The following ATP8B4 variants were observed in gnomAD, a reference collection of about 807,000 sequenced individuals.
ATP8B4 encodes the protein ATPase phospholipid transporting 8B4 (putative).
Under a neutral mutation model 145.6 loss-of-function variants are expected in ATP8B4, and 133 were observed. The observed-to-expected ratio is 0.91, with a 90% CI of 0.79 to 1.05. The LOEUF is 1.05. Among genes scored for constraint, ATP8B4 ranks in the 50% least tolerant of loss-of-function variants. The pLI, the probability that ATP8B4 is intolerant of heterozygous loss-of-function variation, is 0.00. For synonymous variants in ATP8B4, 507 were observed against 492.9 expected, an observed-to-expected ratio of 1.03 and a Z score of -0.38; for missense variants, 1,458 against 1,425.2, an observed-to-expected ratio of 1.02 and a Z score of -0.37.
chr15:49,883,301 C>T (rs1232075704), intron 23 of ATP8B4: 1 of 152,136 alleles, frequency 6.6e-6, no homozygotes, highest in African/African-American at 2.4e-5. Flanking sequence ...GTGCCCTCAT[C>T]ATCACAAATG....
chr15:50,135,204 TC>T (rs2044105086), intron 1 of ATP8B4, among the ~76,000 whole-genome samples: 1 of 152,230 alleles, frequency 6.6e-6, no homozygotes, highest in African/African-American at 2.4e-5. Context: ...GTGTGACACA[TC>T]ATTCATCTCT....
intron 6 of ATP8B4, among the ~76,000 whole-genome samples, chr15:50,033,292 C>A (rs1010184913): frequency 2.6e-5 from 4 of 152,154 alleles, no homozygotes; most frequent in South Asian, 4.1e-4. Context: ...CAGTCAAGTA[C>A]AATTTAAAAT....
intron 14 of ATP8B4, among the ~76,000 whole-genome samples, chr15:49,947,551 T>C (rs1437235832): frequency 6.6e-6 from 1 of 151,970 alleles, no homozygotes; most frequent in Non-Finnish European, 1.5e-5. Flanking sequence ...ATCTCCATAT[T>C]GCCCAAAGTG....
intron 20 of ATP8B4, chr15:49,901,740 A>T (rs967622520): frequency 1.5e-5 from 6 of 398,240 alleles, no homozygotes; most frequent in Non-Finnish European, 2.9e-5. Context: ...TCTGAGAAAC[A>T]TATTTTTTAA....
chr15:49,976,017 G>A (rs1361201647), intron 12 of ATP8B4, among the ~76,000 whole-genome samples: 1 of 151,994 alleles, frequency 6.6e-6, no homozygotes, highest in Non-Finnish European at 1.5e-5. Flanking sequence ...AATCCTTTCT[G>A]GTTATAAATT....
rs9672356 is a variant in ATP8B4 at position 49,875,507 on chromosome 15, T to C, written c.3027+771A>G. 5.0e-3 allele frequency among the ~76,000 whole-genome samples: 769 copies of C among 152,336 alleles called. 7 individuals are homozygous for C. The highest frequency in any genetic ancestry group is 0.018 in the African/African-American group (736 of 41,576). ...ATAAAACAGAGGTCACATAGCTTGC[T>C]GTACCTACTCGGAGCTACAGATAGT... On this transcript the variant is annotated intron_variant, in intron 25 of 27. Transcript: ENST00000284509.
intron 6 of ATP8B4, among the ~76,000 whole-genome samples, chr15:50,027,860 G>A (rs1429350864): frequency 6.6e-6 from 1 of 152,146 alleles, no homozygotes; most frequent in Non-Finnish European, 1.5e-5. Flanking sequence ...ATGCTATAAT[G>A]AAATGACTTT....
chr15:50,121,348 G>T (rs1222812951), upstream of ATP8B4, among the ~76,000 whole-genome samples: 3 of 152,144 alleles, frequency 2.0e-5, no homozygotes, highest in African/African-American at 7.2e-5. Flanking sequence ...GAGAGTATGG[G>T]AAGGTATTGT....
At chr15:50,114,994 C>G (rs1336705553) in intron 1 of ATP8B4, among the ~76,000 whole-genome samples, 1 of 152,148 alleles carries the variant, frequency 6.6e-6, no homozygotes, top group Non-Finnish European at 1.5e-5. Flanking sequence ...AGCCCACAGT[C>G]TGGGGAAGAT....
chr15:49,901,891 T>C (rs767610594), intron 20 of ATP8B4: 53 of 383,712 alleles, frequency 1.4e-4, no homozygotes, highest in Non-Finnish European at 2.5e-4. Context: ...GACACCAAAA[T>C]ATAGAGGGTT....
At chr15:50,096,616 T>G (rs533846124) in intron 2 of ATP8B4, among the ~76,000 whole-genome samples, 1 of 152,288 alleles carries the variant, frequency 6.6e-6, no homozygotes, top group African/African-American at 2.4e-5. Context: ...GACTAAGGAC[T>G]GCAATGCTGC....
chr15:49,995,227 C>A (rs1202436811), intron 9 of ATP8B4, among the ~76,000 whole-genome samples: 1 of 152,022 alleles, frequency 6.6e-6, no homozygotes, highest in Non-Finnish European at 1.5e-5. Flanking sequence ...CCTCGTAGAT[C>A]AATAGAGGTA....
At chr15:50,140,328 G>A (rs2044189739) in intron 1 of ATP8B4, among the ~76,000 whole-genome samples, 1 of 152,082 alleles carries the variant, frequency 6.6e-6, no homozygotes, top group Non-Finnish European at 1.5e-5. Flanking sequence ...AACACTCCAG[G>A]CCCAGACTCC....
chr15:49,903,006 T>A (rs536454509), intron 20 of ATP8B4, among the ~76,000 whole-genome samples: 2 of 148,480 alleles, frequency 1.3e-5, no homozygotes, highest in Non-Finnish European at 3.1e-5. Context: ...TACTTAGGAT[T>A]TTTTTCTCCT....
chr15:49,954,716 G>A (rs35434426), intron 14 of ATP8B4, among the ~76,000 whole-genome samples: 67,576 of 151,928 alleles, frequency 0.44, 16,458 homozygotes, highest in Non-Finnish European at 0.54. Flanking sequence ...ATACTTACAC[G>A]CTCTTGGTGC....
chr15:50,030,185 T>G (rs1010785305), intron 6 of ATP8B4, among the ~76,000 whole-genome samples: 29 of 148,846 alleles, frequency 1.9e-4, no homozygotes, highest in Admixed American at 4.0e-4. Flanking sequence ...GAGGTTTGAG[T>G]TTTTTTTTTC....
chr15:50,082,686 G>A (rs1423831927), intron 2 of ATP8B4, among the ~76,000 whole-genome samples: 1 of 152,170 alleles, frequency 6.6e-6, no homozygotes, highest in Non-Finnish European at 1.5e-5. Flanking sequence ...CCCTCAGCAT[G>A]TAGCTTTCCA....
At chr15:50,111,810 C>A (rs2056960692) in intron 1 of ATP8B4, among the ~76,000 whole-genome samples, 1 of 152,158 alleles carries the variant, frequency 6.6e-6, no homozygotes, top group South Asian at 2.1e-4. Flanking sequence ...AACATTTCTG[C>A]ATAAACATTA....
At chr15:50,047,044 G>A (rs1246866774) in intron 4 of ATP8B4, among the ~76,000 whole-genome samples, 1 of 152,200 alleles carries the variant, frequency 6.6e-6, no homozygotes, top group African/African-American at 2.4e-5. Context: ...CACTGTAGAT[G>A]TGAAAGGGAG....
Sources: gnomAD v4.1 joint callset for allele counts (sites outside exome capture counted in the v4.1 genomes callset) on GRCh38, gnomAD v4.1.1 for gene constraint, MANE v1.5 for transcripts, NCBI Gene and HGNC (gene_info 2026-07-23, HGNC 2026-07-21) for gene names.